The following CACNA1C variants were observed in gnomAD, a reference collection of about 807,000 sequenced individuals.
CACNA1C encodes the protein calcium voltage-gated channel subunit alpha1 C, also known as voltage-dependent L-type calcium channel subunit alpha-1C.
A neutral mutation model predicts 229.0 loss-of-function variants in CACNA1C; 30 were observed. The ratio of observed to expected loss-of-function variants is 0.13; its 90% CI spans 0.10 to 0.18. The LOEUF is 0.18. Among genes scored for constraint, CACNA1C ranks in the 10% least tolerant of loss-of-function variants. The pLI is 1.00. For missense variants in CACNA1C, 1,658 were observed against 2,845.0 expected, an observed-to-expected ratio of 0.58 and a Z score of 9.49; for synonymous variants, 1,114 against 1,132.5, an observed-to-expected ratio of 0.98 and a Z score of 0.33.
intron 1 of CACNA1C, among the ~76,000 whole-genome samples, chr12:2,023,839 C>T (rs1367617698): frequency 1.3e-5 from 2 of 152,056 alleles, no homozygotes; most frequent in South Asian, 2.1e-4. Context: ...CTTCAGAACA[C>T]CAGGGCCTGA....
chr12:2,026,811 T>C (rs999137586), intron 1 of CACNA1C, among the ~76,000 whole-genome samples: 1 of 152,222 alleles, frequency 6.6e-6, no homozygotes, highest in African/African-American at 2.4e-5. Flanking sequence ...GTGTTGATTT[T>C]CAGTCTAGCT....
chr12:2,647,427 C>T lies in CACNA1C; in HGVS notation c.3913-1048C>T, dbSNP rs2094472619. Among the ~76,000 whole-genome samples the T allele has an allele frequency of 6.6e-6, 1 of 152,234 alleles. No homozygotes were observed. The highest frequency in any genetic ancestry group is 2.1e-4 in the South Asian group (1 of 4,836). ...CCCCCAAATGAGTTCAGCAGTCAGA[C>T]CCGTGAGAACAGCTTCCTGGGGTGT... On this transcript the variant is annotated intron_variant, in intron 30 of 46. Transcript: ENST00000399655. This position sits in a 1 kb window ranked among gnomAD's most constrained non-coding sequence, Gnocchi z 4.2.
At chr12:2,681,821 A>G in intron 42 of CACNA1C, 1 of 665,160 alleles carries the variant, frequency 1.5e-6, no homozygotes, top group Non-Finnish European at 2.7e-6. Context: ...CAGGGGTCTG[A>G]GGATAAAGTG....
chr12:2,559,770 C>T (rs1380668372), intron 11 of CACNA1C, among the ~76,000 whole-genome samples: 2 of 152,180 alleles, frequency 1.3e-5, no homozygotes, highest in African/African-American at 2.4e-5. Flanking sequence ...GAATAGTAAA[C>T]CCTGTTCCTG....
intron 13 of CACNA1C, among the ~76,000 whole-genome samples, chr12:2,570,725 G>C (rs1229004939): frequency 6.6e-6 from 1 of 152,190 alleles, no homozygotes; most frequent in Non-Finnish European, 1.5e-5. Flanking sequence ...GAAAATCTAT[G>C]ACAGAATATA....
chr12:2,531,974 T>C (rs553437400), intron 9 of CACNA1C, among the ~76,000 whole-genome samples: 1 of 152,332 alleles, frequency 6.6e-6, no homozygotes, highest in South Asian at 2.1e-4. Flanking sequence ...AAGCCTCAGC[T>C]GCTGGAAGGT....
chr12:2,575,807 C>G lies in CACNA1C; in HGVS notation c.1896-5783C>G, dbSNP rs1158791820. On this transcript the variant is annotated intron_variant, in intron 13 of 46. Coordinates refer to ENST00000399655, the MANE Select transcript of CACNA1C (RefSeq NM_000719.7). This position sits in a 1 kb window ranked among gnomAD's most constrained non-coding sequence, Gnocchi z 4.0. ...TTTATGGCAAGCTCAATGCTCTGCT[C>G]TATACCTAGAATAAAGGTAAAGGAC... Among the ~76,000 whole-genome samples the G allele has an allele frequency of 6.6e-6, 1 of 152,154 alleles. No homozygotes were observed. The highest frequency in any genetic ancestry group is 1.5e-5 in the Non-Finnish European group (1 of 68,034).
rs1360038132 is a variant in CACNA1C, at chr12:2,138,599, T to G, written c.477+18169T>G. 2.3e-4 allele frequency among the ~76,000 whole-genome samples: 35 copies of G among 150,902 alleles called. 2 individuals are homozygous for G. The Admixed American group carries it at 2.3e-3, about 10-fold the overall frequency. ...GTGACCAGCAGCAGGCCGGGGTCACTTCCACGCTTCCTGCCCATCGGAGGA... is the reference window on the plus strand; with the variant it reads ...GTGACCAGCAGCAGGCCGGGGTCACGTCCACGCTTCCTGCCCATCGGAGGA... On this transcript the variant is annotated intron_variant, in intron 3 of 46. Transcript: ENST00000399655.
chr12:2,231,309 C>T (rs1162671075), intron 3 of CACNA1C, among the ~76,000 whole-genome samples: 1 of 152,200 alleles, frequency 6.6e-6, no homozygotes. Context: ...TCATTTCTAA[C>T]GTTAAATGGA....
At chr12:1,994,473 AT>A (rs2040312862) in intron 1 of CACNA1C, among the ~76,000 whole-genome samples, 1 of 152,202 alleles carries the variant, frequency 6.6e-6, no homozygotes, top group African/African-American at 2.4e-5. Context: ...TGCCTAGCTT[AT>A]TTTACAAAGG....
intron 43 of CACNA1C, 70 bp from the exon 44 acceptor site, chr12:2,685,666 G>A (rs907992344): frequency 1.8e-6 from 2 of 1,121,582 alleles, no homozygotes; most frequent in African/African-American, 3.1e-5. Context: ...GCTTTCCGGG[G>A]GTGCAGCTGT....
At chr12:2,491,332 A>G (rs999753032) in intron 6 of CACNA1C, among the ~76,000 whole-genome samples, 3 of 152,210 alleles carry the variant, frequency 2.0e-5, no homozygotes, top group African/African-American at 7.2e-5. Flanking sequence ...CTTACTAAAA[A>G]TAATTAAGAT....
At chr12:2,422,299 C>T (rs1274822070) in intron 3 of CACNA1C, among the ~76,000 whole-genome samples, 3 of 152,184 alleles carry the variant, frequency 2.0e-5, no homozygotes, top group African/African-American at 7.2e-5. Context: ...ATAGCTGTTA[C>T]AGGCCAGTGG....
intron 34 of CACNA1C, chr12:2,660,779 G>C (rs1236588002): frequency 6.6e-6 from 1 of 152,158 alleles, no homozygotes; most frequent in Non-Finnish European, 1.5e-5. Flanking sequence ...AGCCGAGATT[G>C]TTCCACTACA....
At chr12:2,111,326 A>G (rs1250334759) in intron 1 of CACNA1C, among the ~76,000 whole-genome samples, 1 of 152,194 alleles carries the variant, frequency 6.6e-6, no homozygotes, top group African/African-American at 2.4e-5. Flanking sequence ...GGCTCTGCAC[A>G]GCCAGCTGCC....
At chr12:2,667,860 C>T (rs2096296381) in intron 37 of CACNA1C, among the ~76,000 whole-genome samples, 1 of 152,148 alleles carries the variant, frequency 6.6e-6, no homozygotes, top group African/African-American at 2.4e-5. Flanking sequence ...GACAAATAGC[C>T]CCCCTTGAGC....
Position 2,152,445 on chromosome 12 carries a change from G to A in CACNA1C, c.477+32015G>A, listed in dbSNP as rs917785963. Among the ~76,000 whole-genome samples, 7 of 152,214 alleles carry A rather than the reference G, an allele frequency of 4.6e-5. No individual in the cohort carries two copies. The highest frequency in any genetic ancestry group is 1.9e-4 in the East Asian group (1 of 5,184). ...CCTTTCCCTTTCTCCCTCTGCAGGC[G>A]TGTTGCCGTCATGGTGAGGAGCCAT... On this transcript the variant is annotated intron_variant, in intron 3 of 46. Coordinates refer to ENST00000399655, the MANE Select transcript of CACNA1C (RefSeq NM_000719.7). This position sits in a 1 kb window ranked among gnomAD's most constrained non-coding sequence, Gnocchi z 4.2.
chr12:1,995,811 G>A (rs1347306215), intron 1 of CACNA1C, among the ~76,000 whole-genome samples: 4 of 152,096 alleles, frequency 2.6e-5, no homozygotes. Context: ...ACTCCTTCAG[G>A]GAACAGCTTT....
chr12:2,405,325 T>C (rs1169020691), intron 3 of CACNA1C, among the ~76,000 whole-genome samples: 1 of 152,156 alleles, frequency 6.6e-6, no homozygotes, highest in Admixed American at 6.5e-5. Flanking sequence ...TGTTTTATCA[T>C]ATGTAGGTTC....
Sources: gnomAD v4.1 joint callset for allele counts (sites outside exome capture counted in the v4.1 genomes callset) on GRCh38, gnomAD v4.1.1 for gene constraint, Gnocchi (gnomAD v3.1) non-coding constraint, MANE v1.5 for transcripts, NCBI Gene and HGNC (gene_info 2026-07-23, HGNC 2026-07-21) for gene names.